Variants in PCBP3 observed in about 807,000 individuals in gnomAD.
The protein encoded by PCBP3 is poly(rC)-binding protein 3.
PCBP3 carries 25 observed loss-of-function variants against 52.7 expected under a neutral mutation model. That is an observed-to-expected ratio of 0.47 (90% confidence interval 0.35 to 0.66). The LOEUF is 0.66. Ranked by LOEUF, PCBP3 falls within the 30% of genes least tolerant of loss-of-function variation. The pLI is 0.01. For missense variants in PCBP3, 391 were observed against 490.3 expected (o/e 0.80, Z 1.91); for synonymous variants, 162 against 183.0 (o/e 0.89, Z 0.93).
At chr21:45,940,360 T>C (rs1018306527) in intron 17 of PCBP3, among the ~76,000 whole-genome samples, 161 bp downstream of exon 17, 1 of 152,146 alleles carries the variant, frequency 6.6e-6, no homozygotes, top group African/African-American at 2.4e-5. Context: ...GGGGACAGGA[T>C]GGGATGGTGA....
At chr21:45,820,429 G>C (rs544272768) in intron 4 of PCBP3, among the ~76,000 whole-genome samples, 17 of 152,344 alleles carry the variant, frequency 1.1e-4, no homozygotes, top group Admixed American at 1.0e-3. Flanking sequence ...TGGCACTTCA[G>C]CTTGGCTGCT....
Position 45,788,090 on chromosome 21 carries a change from T to C in PCBP3, c.-126+32638T>C. On this transcript the variant is annotated intron_variant, in intron 4 of 17. Transcript: ENST00000681687. The surrounding 1 kb of genome is among the most constrained non-coding windows in gnomAD (Gnocchi z 4.3). ...TAGCCAGGAACAGCTGGTGTCTCCT[T>C]ACTGGGACATGCTGTGACCTGTAGA... Among the ~76,000 whole-genome samples, 1 of 152,176 alleles carries C rather than the reference T, an allele frequency of 6.6e-6. No homozygotes were observed. The highest frequency in any genetic ancestry group is 1.9e-4 in the East Asian group (1 of 5,194).
At chr21:45,773,620 A>G (rs764586074) in intron 4 of PCBP3, among the ~76,000 whole-genome samples, 12 of 152,170 alleles carry the variant, frequency 7.9e-5, no homozygotes, top group African/African-American at 1.7e-4. Flanking sequence ...TATAAGTGCC[A>G]TACTGTTCTG....
intron 4 of PCBP3, among the ~76,000 whole-genome samples, chr21:45,785,512 G>A (rs1308624298): frequency 6.7e-6 from 1 of 150,034 alleles, no homozygotes. Context: ...CGGGAGGGGG[G>A]GGGGTCAGCC....
intron 6 of PCBP3, among the ~76,000 whole-genome samples, chr21:45,899,056 C>T (rs926639633): frequency 1.3e-5 from 2 of 149,360 alleles, no homozygotes; most frequent in Non-Finnish European, 3.0e-5. Flanking sequence ...CGCTGCTGGA[C>T]AGGGAGATAC....
intron 9 of PCBP3, among the ~76,000 whole-genome samples, chr21:45,905,334 G>A (rs972809540): frequency 3.3e-5 from 5 of 152,202 alleles, no homozygotes; most frequent in African/African-American, 7.2e-5. Flanking sequence ...CCCGGCCCAC[G>A]TAGGGTGGGC....
intron 9 of PCBP3, among the ~76,000 whole-genome samples, chr21:45,902,425 G>A (rs1219126069): frequency 6.6e-6 from 1 of 152,238 alleles, no homozygotes; most frequent in African/African-American, 2.4e-5. Context: ...AGGATAGACA[G>A]TTCAGGAAAG....
chr21:45,733,111 G>A (rs2085582430), intron 2 of PCBP3, among the ~76,000 whole-genome samples: 1 of 151,814 alleles, frequency 6.6e-6, no homozygotes. Context: ...TTTCTTTTGT[G>A]GTCTAATATG....
chr21:45,778,197 G>C (rs958861488), intron 4 of PCBP3, among the ~76,000 whole-genome samples: 1 of 152,140 alleles, frequency 6.6e-6, no homozygotes, highest in Non-Finnish European at 1.5e-5. Context: ...AGCATTGGTG[G>C]TGTCTGTGAT....
chr21:45,799,373 T>TGA (rs1022309933), intron 4 of PCBP3, among the ~76,000 whole-genome samples: 2 of 152,252 alleles, frequency 1.3e-5, no homozygotes, highest in South Asian at 2.1e-4. Flanking sequence ...TGAGATATCT[T>TGA]GAGAGAGAGA....
At chr21:45,838,105 C>T (rs758193335) in intron 4 of PCBP3, among the ~76,000 whole-genome samples, 6 of 152,224 alleles carry the variant, frequency 3.9e-5, no homozygotes, top group African/African-American at 1.4e-4. Flanking sequence ...GAGTTGGTTT[C>T]TGGAAGCCCC....
intron 4 of PCBP3, among the ~76,000 whole-genome samples, chr21:45,835,292 T>C (rs552512612): frequency 2.0e-5 from 3 of 152,106 alleles, no homozygotes; most frequent in Non-Finnish European, 4.4e-5. Flanking sequence ...GGGAGCCTCC[T>C]GCACAAGACT....
intron 2 of PCBP3, among the ~76,000 whole-genome samples, chr21:45,705,596 G>A (rs2083399362): frequency 6.6e-6 from 1 of 152,326 alleles, no homozygotes; most frequent in South Asian, 2.1e-4. Flanking sequence ...GGCAGGGAAA[G>A]TGCCTGTCAG....
At chr21:45,692,860 C>CA (rs1481264035) in intron 2 of PCBP3, among the ~76,000 whole-genome samples, 2 of 152,126 alleles carry the variant, frequency 1.3e-5, no homozygotes, top group Non-Finnish European at 1.5e-5. Context: ...CCTCATGTAA[C>CA]TAGGTACTAA....
chr21:45,667,403 C>A (rs2080881035), intron 1 of PCBP3, among the ~76,000 whole-genome samples: 1 of 151,972 alleles, frequency 6.6e-6, no homozygotes, highest in African/African-American at 2.4e-5. Context: ...ATTGGTTAAT[C>A]TCAGTTGATC....
intron 2 of PCBP3, among the ~76,000 whole-genome samples, chr21:45,733,537 C>G (rs1017645271): frequency 2.0e-5 from 3 of 151,932 alleles, no homozygotes; most frequent in African/African-American, 7.2e-5. Context: ...ATGATCTGCC[C>G]GCCTCGGCCT....
At chr21:45,909,522 C>A in intron 10 of PCBP3, 36 bp downstream of exon 10, 4 of 1,603,178 alleles carry the variant, frequency 2.5e-6, no homozygotes, top group Non-Finnish European at 3.4e-6. Context: ...CGCTGCGGAG[C>A]CTCTAGGCGG....
chr21:45,912,489 C>A (rs2070437), intron 11 of PCBP3, among the ~76,000 whole-genome samples: 1 of 151,970 alleles, frequency 6.6e-6, no homozygotes, highest in African/African-American at 2.4e-5. Flanking sequence ...CACCTCACAC[C>A]CAGGAGATGA....
chr21:45,728,794 A>G (rs2085245735), intron 2 of PCBP3: 1 of 152,134 alleles, frequency 6.6e-6, no homozygotes, highest in Non-Finnish European at 1.5e-5. Context: ...AGTTTTGATT[A>G]TTTGATTCTT....
Sources: gnomAD v4.1 joint callset for allele counts (sites outside exome capture counted in the v4.1 genomes callset) on GRCh38, gnomAD v4.1.1 for gene constraint, Gnocchi (gnomAD v3.1) non-coding constraint, MANE v1.5 for transcripts, NCBI Gene and HGNC (gene_info 2026-07-23, HGNC 2026-07-21) for gene names.